The following NKAIN2 variants were observed in gnomAD, a reference collection of about 807,000 sequenced individuals.
NKAIN2 encodes sodium/potassium-transporting ATPase subunit beta-1-interacting protein 2.
A neutral mutation model predicts 32.6 loss-of-function variants in NKAIN2; 14 were observed. The ratio of observed to expected loss-of-function variants is 0.43; its 90% CI spans 0.28 to 0.67. NKAIN2 has a LOEUF of 0.67. NKAIN2 is among the 30% of genes least tolerant of loss of function. The pLI, the probability that NKAIN2 is intolerant of heterozygous loss-of-function variation, is 0.17. For missense variants in NKAIN2, 198 were observed against 258.3 expected, an observed-to-expected ratio of 0.77 and a Z score of 1.60; for synonymous variants, 80 against 87.2, an observed-to-expected ratio of 0.92 and a Z score of 0.46.
chr6:124,578,705 C>A (rs1334324642), intron 3 of NKAIN2, among the ~76,000 whole-genome samples: 1 of 152,022 alleles, frequency 6.6e-6, no homozygotes, highest in Non-Finnish European at 1.5e-5. Context: ...ATTATAGAAC[C>A]CTAGGGCCTT....
intron 4 of NKAIN2, chr6:124,658,960 A>ATAAAAAAAAAAT (rs141749611): frequency 6.8e-6 from 1 of 146,820 alleles, no homozygotes; most frequent in African/African-American, 2.6e-5. Flanking sequence ...TGTAACAATA[A>ATAAAAAAAAAAT]AAAAAAAAAA....
At chr6:124,345,122 T>C (rs1306757626) in intron 2 of NKAIN2, among the ~76,000 whole-genome samples, 3 of 152,214 alleles carry the variant, frequency 2.0e-5, no homozygotes, top group Non-Finnish European at 4.4e-5. Context: ...TCTGTTTATA[T>C]GCTAGTTTAC....
At chr6:124,195,115 A>T (rs960442051) in intron 1 of NKAIN2, among the ~76,000 whole-genome samples, 3 of 151,600 alleles carry the variant, frequency 2.0e-5, no homozygotes, top group African/African-American at 4.8e-5. Flanking sequence ...TTTAATCATA[A>T]TAAGTATTTT....
intron 3 of NKAIN2, among the ~76,000 whole-genome samples, chr6:124,559,274 A>T (rs1465541856): frequency 6.6e-6 from 1 of 152,178 alleles, no homozygotes; most frequent in African/African-American, 2.4e-5. Context: ...AATAGAATAG[A>T]TAATGGCCAA....
intron 3 of NKAIN2, chr6:124,490,463 G>A (rs719761): frequency 0.079 from 27,053 of 340,622 alleles, 1,141 homozygotes; most frequent in East Asian, 0.17. Flanking sequence ...CTGTTTCCTT[G>A]ATATCACATT....
intron 1 of NKAIN2, among the ~76,000 whole-genome samples, chr6:123,987,496 G>A (rs1384474349): frequency 3.9e-5 from 6 of 152,122 alleles, no homozygotes; most frequent in Non-Finnish European, 5.9e-5. Context: ...AGCTTGGGCC[G>A]ATGTGGGAGG....
Position 123,921,463 on chromosome 6 carries a change from G to A in NKAIN2, c.54+117209G>A, listed in dbSNP as rs956570878. ...TAAATATTTAACGAGTACCTATAACGTATTAGGCATTGTGCCAGATGTTCA... is the reference window on the plus strand; with the variant it reads ...TAAATATTTAACGAGTACCTATAACATATTAGGCATTGTGCCAGATGTTCA... On this transcript the variant is annotated intron_variant, in intron 1 of 6. Transcript: ENST00000368417. Among the ~76,000 whole-genome samples the A allele has an allele frequency of 5.3e-5, 8 of 152,192 alleles. No individual in the cohort carries two copies. In the East Asian group the frequency reaches 7.7e-4, roughly 15 times the overall value.
chr6:124,258,406 C>A (rs985775864), intron 1 of NKAIN2, among the ~76,000 whole-genome samples: 2 of 152,040 alleles, frequency 1.3e-5, no homozygotes, highest in Non-Finnish European at 2.9e-5. Flanking sequence ...GGTAGAAGTC[C>A]TTGAACCAAA....
intron 1 of NKAIN2, among the ~76,000 whole-genome samples, chr6:124,080,410 C>T (rs942960768): frequency 2.0e-5 from 3 of 152,048 alleles, no homozygotes; most frequent in Non-Finnish European, 4.4e-5. Flanking sequence ...TTACTTAAAT[C>T]ATTTTGATTG....
chr6:124,319,877 A>T (rs1046892704), intron 2 of NKAIN2, among the ~76,000 whole-genome samples: 19 of 152,084 alleles, frequency 1.2e-4, no homozygotes, highest in Admixed American at 9.8e-4. Context: ...TTCACATTTA[A>T]TTTTACAAGT....
intron 5 of NKAIN2, among the ~76,000 whole-genome samples, chr6:124,806,439 T>C (rs1410769756): frequency 6.6e-6 from 1 of 152,068 alleles, no homozygotes; most frequent in South Asian, 2.1e-4. Flanking sequence ...AAGCAAATGC[T>C]GAGAGATTTT....
chr6:124,758,311 G>A (rs1166153905), intron 4 of NKAIN2, among the ~76,000 whole-genome samples: 1 of 152,134 alleles, frequency 6.6e-6, no homozygotes, highest in African/African-American at 2.4e-5. Flanking sequence ...TAGGAGGTGG[G>A]GCCTGTTGGA....
At chr6:124,515,334 C>A (rs1014965349) in intron 3 of NKAIN2, among the ~76,000 whole-genome samples, 1 of 152,118 alleles carries the variant, frequency 6.6e-6, no homozygotes, top group African/African-American at 2.4e-5. Context: ...CGGTGAGGGC[C>A]ACAGGCTGCT....
At chr6:123,971,201 G>A (rs560928699) in intron 1 of NKAIN2, among the ~76,000 whole-genome samples, 200 of 152,078 alleles carry the variant, frequency 1.3e-3, no homozygotes, top group Middle Eastern at 3.4e-3. Flanking sequence ...GAGTACTCAG[G>A]GCCAGGTGAC....
intron 3 of NKAIN2, among the ~76,000 whole-genome samples, chr6:124,597,728 T>A (rs1054692377): frequency 3.3e-5 from 5 of 152,056 alleles, no homozygotes; most frequent in Non-Finnish European, 4.4e-5. Flanking sequence ...CAGAGGAAAA[T>A]TATAGAATTC....
chr6:123,928,685 A>C (rs1776118472), intron 1 of NKAIN2, among the ~76,000 whole-genome samples: 1 of 152,154 alleles, frequency 6.6e-6, no homozygotes, highest in African/African-American at 2.4e-5. Flanking sequence ...GAATTGTTTA[A>C]CCACTTTGTA....
chr6:124,673,047 T>C (rs1773181379), intron 4 of NKAIN2, among the ~76,000 whole-genome samples: 1 of 151,980 alleles, frequency 6.6e-6, no homozygotes, highest in African/African-American at 2.4e-5. Flanking sequence ...CCTCATTTTC[T>C]CCCTTCCCCA....
At chr6:124,782,117 T>A (rs1779295357) in intron 4 of NKAIN2, among the ~76,000 whole-genome samples, 1 of 152,156 alleles carries the variant, frequency 6.6e-6, no homozygotes, top group African/African-American at 2.4e-5. Flanking sequence ...GCTCTAAGGT[T>A]CCTACTTAAC....
intron 1 of NKAIN2, among the ~76,000 whole-genome samples, chr6:123,927,172 T>G (rs1013113164): frequency 6.6e-6 from 1 of 152,206 alleles, no homozygotes; most frequent in Non-Finnish European, 1.5e-5. Flanking sequence ...TTTAAATCCC[T>G]TAGTAACTAA....
Sources: allele counts gnomAD v4.1 joint callset (sites outside exome capture counted in the v4.1 genomes callset), GRCh38; gene constraint gnomAD v4.1.1; transcripts MANE v1.5; gene names NCBI Gene and HGNC (gene_info 2026-07-23, HGNC 2026-07-21).